ADSL: variants seen among roughly 807,000 people sequenced by gnomAD.
ADSL encodes the protein adenylosuccinate lyase.
In ADSL, 44 loss-of-function variants were observed where a neutral mutation model predicts 62.1. The ratio of observed to expected loss-of-function variants is 0.71; its 90% confidence interval spans 0.56 to 0.91. ADSL has a LOEUF of 0.91. ADSL is among the 40% of genes least tolerant of loss of function. The pLI, the probability that ADSL is intolerant of heterozygous loss-of-function variation, is 0.00. For synonymous variants in ADSL, 198 were observed against 220.5 expected, an observed-to-expected ratio of 0.90 and a Z score of 0.90; for missense variants, 531 against 627.4, an observed-to-expected ratio of 0.85 and a Z score of 1.64.
At chr22:40,380,435 C>T (rs904313938) in intron 2 of ADSL, among the ~76,000 whole-genome samples, 1 of 149,484 alleles carries the variant, frequency 6.7e-6, no homozygotes, top group Non-Finnish European at 1.5e-5. Context: ...GGCACTATCT[C>T]AGCTCACTGT....
chr22:40,381,382 C>G (rs978654144), intron 2 of ADSL, among the ~76,000 whole-genome samples: 2 of 152,120 alleles, frequency 1.3e-5, no homozygotes, highest in African/African-American at 4.8e-5. Flanking sequence ...CTCTTGGGCT[C>G]AAGTGATCCT....
At chr22:40,376,975 G>T (rs959215707) in intron 2 of ADSL, among the ~76,000 whole-genome samples, 2 of 152,100 alleles carry the variant, frequency 1.3e-5, no homozygotes, top group African/African-American at 4.8e-5. Flanking sequence ...ATCACTGTCC[G>T]GCAGGAAACA....
intron 2 of ADSL, among the ~76,000 whole-genome samples, chr22:40,382,679 A>T (rs549080179): frequency 6.4e-4 from 97 of 152,362 alleles, no homozygotes; most frequent in Non-Finnish European, 1.2e-3. Flanking sequence ...GATGGGACGT[A>T]GACCCCACCA....
At chr22:40,361,032 G>T (rs2044763601) in intron 7 of ADSL, 2 of 582,324 alleles carry the variant, frequency 3.4e-6, no homozygotes, top group Non-Finnish European at 6.2e-6. Context: ...TTTCCATGAT[G>T]CCTTAAGCAG....
intron 2 of ADSL, among the ~76,000 whole-genome samples, chr22:40,386,457 C>G (rs1459747688): frequency 1.3e-5 from 2 of 151,588 alleles, no homozygotes; most frequent in Admixed American, 1.3e-4. Flanking sequence ...CTAGCTGTTT[C>G]CAAGTTTTTG....
intron 5 of ADSL, 77 bp downstream of exon 5, chr22:40,359,112 A>G (rs908605128): frequency 5.6e-6 from 9 of 1,600,276 alleles, no homozygotes; most frequent in Non-Finnish European, 7.7e-6. Context: ...TGAGGATGAT[A>G]GGAGAGATTG....
rs2045043431 is a variant in ADSL at position 40,367,591 on chromosome 22, C to T, written c.*1069C>T. 6.0e-6 allele frequency: 1 copy of T among 167,418 alleles called. No individual in the cohort carries two copies. The highest frequency in any genetic ancestry group is 6.5e-5 in the Admixed American group (1 of 15,292). The allele number at this position is 167,418 out of a possible 1,614,324, so 10.4% of individuals were successfully genotyped here. A position where few individuals can be genotyped will look rare whatever the true frequency, so the allele number is the denominator to read the frequency against. On this transcript the variant is annotated 3_prime_UTR_variant, in exon 13 of 13. Coordinates refer to ENST00000623063, the MANE Select transcript of ADSL (RefSeq NM_000026.4). ...TTCCAGCTTCTGCCACTGCGCCCGACTTCCTTGTTGCATGGATTTATAGCT... is the reference window on the plus strand; with the variant it reads ...TTCCAGCTTCTGCCACTGCGCCCGATTTCCTTGTTGCATGGATTTATAGCT...
downstream of ADSL, chr22:40,373,031 A>T (rs551772911): frequency 1.2e-4 from 18 of 152,312 alleles, no homozygotes; most frequent in African/African-American, 4.3e-4. Flanking sequence ...CATATTATAC[A>T]CAGACTTAGG....
chr22:40,350,192 C>T (rs916136213), intron 2 of ADSL, 157 bp downstream of exon 2: 46 of 675,926 alleles, frequency 6.8e-5, no homozygotes, highest in Admixed American at 2.3e-4. Flanking sequence ...TGCAGTGGCA[C>T]GGCTCACTGC....
At position 40,363,065 on chromosome 22, in the gene ADSL, C is replaced by A. The variant is rs879257322; in HGVS notation, c.1095C>A (p.Tyr365Ter). The A allele has an allele frequency of 6.2e-7, 1 of 1,613,638 alleles. No homozygotes were observed. The highest frequency in any genetic ancestry group is 8.5e-7 in the Non-Finnish European group (1 of 1,179,656). ...ACATTTCTGAAGGATTGGTCGTGTA[C>A]CCCAAAGTAAGAAGCCTCAATTCAA... The part of the protein sequence containing the change: ...LQNISEGLVV[Y>*]PKVIERRIRQ... Residue 365 changes from tyrosine to a stop codon, truncating the protein, a stop_gained, in exon 10 of 13, where the codon TAC becomes TAA. Coordinates refer to ENST00000623063, the MANE Select transcript of ADSL (RefSeq NM_000026.4). LOFTEE classifies it high-confidence loss of function.
chr22:40,349,707 T>A, intron 1 of ADSL, 125 bp from the exon 2 acceptor site: 1 of 908,934 alleles, frequency 1.1e-6, no homozygotes, highest in South Asian at 1.4e-5. Context: ...TGCCTCAAAT[T>A]TTAATTTAAG....
At chr22:40,363,146 T>C (rs2044859208) in intron 10 of ADSL, 75 bp downstream of exon 10, 1 of 1,376,228 alleles carries the variant, frequency 7.3e-7, no homozygotes, top group Non-Finnish European at 1.0e-6. Context: ...CTGGGGTGTG[T>C]TGAGGGAGCT....
At chr22:40,364,798 G>C (rs2044935511) in intron 11 of ADSL, 82 bp from the exon 12 acceptor site, 1 of 1,438,216 alleles carries the variant, frequency 7.0e-7, no homozygotes, top group African/African-American at 1.4e-5. Flanking sequence ...AGACTGCATG[G>C]ATGGGAAGTA....
chr22:40,375,528 C>T (rs758946256), intron 2 of ADSL, among the ~76,000 whole-genome samples: 20 of 150,818 alleles, frequency 1.3e-4, no homozygotes, highest in East Asian at 3.9e-4. Context: ...TGCAGTGAGC[C>T]GAGATCATGT....
At position 40,366,489 on chromosome 22, in the gene ADSL, C is replaced by G. The variant is rs748593655; in HGVS notation, c.1422C>G (p.Ser474Arg). ...ATCCCCTGTTAAAACCATATGAAAGCGTGATGAAGGTGAAAGCAGAATTAT... is the reference window on the plus strand; with the variant it reads ...ATCCCCTGTTAAAACCATATGAAAGGGTGATGAAGGTGAAAGCAGAATTAT... ...EVYPLLKPYE[S>R]VMKVKAELCL The change falls in exon 13 of 13, where the codon AGC (serine) becomes AGG (arginine). Residue 474 changes from serine (S) to arginine (R), a missense_variant. This residue lies in a region of ADSL where 471 missense variants were observed against 592.9 expected (regional missense o/e 0.79). Transcript: ENST00000623063. The G allele has an allele frequency of 6.2e-7, 1 of 1,613,252 alleles. No individual in the cohort carries two copies. Among genetic ancestry groups the G allele is most frequent in the East Asian group, 2.2e-5 (1 of 44,866 alleles).
downstream of ADSL, among the ~76,000 whole-genome samples, chr22:40,373,912 C>A (rs2046054097): frequency 6.6e-6 from 1 of 151,678 alleles, no homozygotes; most frequent in African/African-American, 2.4e-5. Context: ...CCACACCTGG[C>A]CTGATAGGGT....
downstream of ADSL, chr22:40,369,509 T>TTATA (rs1042568007): frequency 1.4e-5 from 2 of 143,918 alleles, no homozygotes; most frequent in South Asian, 4.2e-4. Context: ...TATCTATCTT[T>TTATA]TATATATATA....
intron 2 of ADSL, among the ~76,000 whole-genome samples, chr22:40,380,993 A>G (rs185678806): frequency 5.3e-4 from 80 of 152,162 alleles, no homozygotes; most frequent in Non-Finnish European, 4.7e-4. Flanking sequence ...TGTAAATTGT[A>G]TTTTCCCCCA....
intron 2 of ADSL, among the ~76,000 whole-genome samples, chr22:40,384,373 A>G (rs1361487866): frequency 1.3e-5 from 2 of 152,278 alleles, no homozygotes; most frequent in Admixed American, 1.3e-4. Flanking sequence ...AGATTTATTC[A>G]GGAAACACAG....
Sources: allele counts gnomAD v4.1 joint callset (sites outside exome capture counted in the v4.1 genomes callset), GRCh38; gene constraint gnomAD v4.1.1; regional missense constraint gnomAD v4.1.1; transcripts MANE v1.5; gene names NCBI Gene and HGNC (gene_info 2026-07-23, HGNC 2026-07-21).